Variants in MPP7 observed in about 807,000 individuals in gnomAD.
The protein encoded by MPP7 is MAGUK p55 subfamily member 7.
In MPP7, 60 loss-of-function variants were observed where a neutral mutation model predicts 76.5. That is an observed-to-expected ratio of 0.78 (90% CI 0.64 to 0.97). The LOEUF is 0.97. Among genes scored for constraint, MPP7 ranks in the 50% least tolerant of loss-of-function variants. The probability of loss-of-function intolerance (pLI) is 0.00; values close to 1 mark genes in which losing one functional copy is unlikely to be tolerated. For missense variants in MPP7, 641 were observed against 694.0 expected, an observed-to-expected ratio of 0.92 and a Z score of 0.86; for synonymous variants, 237 against 244.5, an observed-to-expected ratio of 0.97 and a Z score of 0.29.
At chr10:28,129,977 TG>T (rs2133673440) in intron 6 of MPP7, among the ~76,000 whole-genome samples, 1 of 152,316 alleles carries the variant, frequency 6.6e-6, no homozygotes, top group South Asian at 2.1e-4. Context: ...CAAGGGATCT[TG>T]CCCCTTAAGT....
At chr10:28,247,487 T>C (rs1303099149) in intron 1 of MPP7, among the ~76,000 whole-genome samples, 1 of 152,184 alleles carries the variant, frequency 6.6e-6, no homozygotes, top group African/African-American at 2.4e-5. Context: ...AAACAGACAG[T>C]GATAAAAGGA....
At chr10:28,124,421 T>C (rs1834943266) in intron 7 of MPP7, among the ~76,000 whole-genome samples, 1 of 151,540 alleles carries the variant, frequency 6.6e-6, no homozygotes, top group Admixed American at 6.6e-5. Flanking sequence ...AAAGGCTGCA[T>C]GCTCTTAGCA....
At chr10:28,151,741 G>T (rs1040077760) in intron 3 of MPP7, among the ~76,000 whole-genome samples, 3 of 152,208 alleles carry the variant, frequency 2.0e-5, no homozygotes, top group African/African-American at 7.2e-5. Context: ...AAGTTGCTAT[G>T]TTCTTGCAGA....
chr10:28,310,440 T>A (rs1283638476), intron 2 of MPP7, among the ~76,000 whole-genome samples: 1 of 152,144 alleles, frequency 6.6e-6, no homozygotes, highest in East Asian at 1.9e-4. Flanking sequence ...CTCCTCCTGT[T>A]GCGCTGTCAC....
intron 3 of MPP7, among the ~76,000 whole-genome samples, chr10:28,190,336 T>C (rs1564689526): frequency 6.6e-6 from 1 of 152,054 alleles, no homozygotes; most frequent in Non-Finnish European, 1.5e-5. Flanking sequence ...CAAATCTAAC[T>C]GACATTTATG....
At chr10:28,133,436 C>A (rs1321003653) in intron 5 of MPP7, among the ~76,000 whole-genome samples, 1 of 152,128 alleles carries the variant, frequency 6.6e-6, no homozygotes, top group African/African-American at 2.4e-5. Flanking sequence ...TACATAAAAG[C>A]AGATCCCCTG....
chr10:28,152,208 A>G lies in MPP7; in HGVS notation c.157-2149T>C, dbSNP rs535770987. Among the ~76,000 whole-genome samples the G allele has an allele frequency of 1.1e-4, 16 of 152,242 alleles. 1 individual carries two copies. Among genetic ancestry groups the G allele is most frequent in the Admixed American group, 9.8e-4 (15 of 15,304 alleles). On this transcript the variant is annotated intron_variant, in intron 3 of 16. Coordinates refer to ENST00000683449, the MANE Select transcript of MPP7 (RefSeq NM_001318170.2). ...ATCATCTTCTCCAGATCCTGACCCA[A>G]TTGATAGAGTATCCCACCCCTAGCC... is the stretch of plus-strand genomic sequence containing the variant.
intron 12 of MPP7, among the ~76,000 whole-genome samples, chr10:28,075,878 CTTCT>C (rs1852460099): frequency 6.6e-6 from 1 of 152,158 alleles, no homozygotes; most frequent in Non-Finnish European, 1.5e-5. Context: ...ACAGGAATGC[CTTCT>C]GCCTTATTCA....
At chr10:28,067,303 T>C (rs575303567) in intron 13 of MPP7, among the ~76,000 whole-genome samples, 8 of 152,234 alleles carry the variant, frequency 5.3e-5, no homozygotes, top group Non-Finnish European at 1.0e-4. Context: ...TATTCAAGAT[T>C]CTGCCCAAAG....
intron 3 of MPP7, among the ~76,000 whole-genome samples, chr10:28,179,924 C>G (rs920553113): frequency 6.6e-6 from 1 of 152,096 alleles, no homozygotes; most frequent in Non-Finnish European, 1.5e-5. Flanking sequence ...AGTTAACATC[C>G]TTTCATTTAG....
chr10:28,153,889 C>G (rs1244713889), intron 3 of MPP7, among the ~76,000 whole-genome samples: 4 of 151,962 alleles, frequency 2.6e-5, no homozygotes, highest in Non-Finnish European at 4.4e-5. Flanking sequence ...AAATTACTGC[C>G]CAGTAGTTTG....
In MPP7 at chr10:28,153,279, A is replaced by G. The variant is rs578216978; in HGVS notation, c.157-3220T>C. Among the ~76,000 whole-genome samples the G allele has an allele frequency of 1.2e-4, 18 of 152,226 alleles. No homozygotes were observed. In the Middle Eastern group the frequency reaches 0.01, roughly 86 times the overall value. ...AAAAAAGAAAACAAAAAAAAAGTATACTTCATTTTTCTCCCCTGAGCAACT... is the reference window on the plus strand; with the variant it reads ...AAAAAAGAAAACAAAAAAAAAGTATGCTTCATTTTTCTCCCCTGAGCAACT... On this transcript the variant is annotated intron_variant, in intron 3 of 16. Transcript: ENST00000683449.
chr10:28,122,442 C>T (rs372246063), intron 8 of MPP7, among the ~76,000 whole-genome samples: 1 of 152,202 alleles, frequency 6.6e-6, no homozygotes, highest in African/African-American at 2.4e-5. Context: ...TAATTTCCAA[C>T]TAAAGGGTAT....
intron 15 of MPP7, among the ~76,000 whole-genome samples, chr10:28,057,160 T>G (rs1343986955): frequency 6.6e-6 from 1 of 152,234 alleles, no homozygotes; most frequent in Non-Finnish European, 1.5e-5. Flanking sequence ...GAGCTGATAC[T>G]ACACTGTGGG....
chr10:28,285,652 CTACA>C (rs1840773588), intron 1 of MPP7, among the ~76,000 whole-genome samples: 1 of 152,098 alleles, frequency 6.6e-6, no homozygotes, highest in South Asian at 2.1e-4. Flanking sequence ...GTCATGAACA[CTACA>C]AAAAGTGAGA....
chr10:28,117,689 TTTAAC>T (rs1834702476), intron 11 of MPP7, among the ~76,000 whole-genome samples: 1 of 152,118 alleles, frequency 6.6e-6, no homozygotes, highest in African/African-American at 2.4e-5. Context: ...ATGCATAACT[TTTAAC>T]TTTATGTGAG....
chr10:28,237,961 A>T (rs760257121), intron 2 of MPP7, among the ~76,000 whole-genome samples: 1 of 152,030 alleles, frequency 6.6e-6, no homozygotes, highest in Non-Finnish European at 1.5e-5. Flanking sequence ...TTTTATGTAC[A>T]CATGTGTGTG....
chr10:28,206,739 T>C lies in MPP7; in HGVS notation c.38-4468A>G, dbSNP rs978994674. ...ATTTTTGATTATTCGTGAGATGCTG[T>C]CATGGGAAATCTACATAAAACTGAT... On this transcript the variant is annotated intron_variant, in intron 2 of 16. Transcript: ENST00000683449. Among the ~76,000 whole-genome samples, 5 of 152,306 alleles carry C rather than the reference T, an allele frequency of 3.3e-5. No individual in the cohort carries two copies. In the East Asian group the frequency reaches 7.7e-4, roughly 23 times the overall value.
At chr10:28,196,165 C>T (rs1373577617) in intron 3 of MPP7, among the ~76,000 whole-genome samples, 24 of 152,134 alleles carry the variant, frequency 1.6e-4, no homozygotes, top group Non-Finnish European at 5.9e-5. Flanking sequence ...CAATCCAGAA[C>T]ATAATTATCC....
Sources: gnomAD v4.1 joint callset for allele counts (sites outside exome capture counted in the v4.1 genomes callset) on GRCh38, gnomAD v4.1.1 for gene constraint, MANE v1.5 for transcripts, NCBI Gene and HGNC (gene_info 2026-07-23, HGNC 2026-07-21) for gene names.